The following PRICKLE1 variants were observed in gnomAD, a reference collection of about 807,000 sequenced individuals.
PRICKLE1 encodes the protein prickle planar cell polarity protein 1.
PRICKLE1 carries 14 observed loss-of-function variants against 70.2 expected under a neutral mutation model. That is an observed-to-expected ratio of 0.20 (90% CI 0.13 to 0.31). PRICKLE1 has a LOEUF of 0.31. PRICKLE1 is among the 10% of genes least tolerant of loss of function. PRICKLE1 has a pLI of 1.00. For synonymous variants in PRICKLE1, 357 were observed against 379.9 expected (o/e 0.94, Z 0.70); for missense variants, 821 against 1,026.2 (o/e 0.80, Z 2.73).
intron 3 of PRICKLE1, 64 bp downstream of exon 3, chr12:42,470,182 A>G: frequency 8.4e-7 from 1 of 1,193,254 alleles, no homozygotes; most frequent in Admixed American, 1.7e-5. Context: ...TATGAGCAGC[A>G]TCTCAATGCT....
chr12:42,551,182 C>T lies in PRICKLE1; in HGVS notation c.-49+38283G>A, dbSNP rs77068792. Among the ~76,000 whole-genome samples the T allele has an allele frequency of 5.7e-3, 866 of 152,234 alleles. 6 individuals carry two copies. The highest frequency in any genetic ancestry group is 0.019 in the African/African-American group (786 of 41,530). On this transcript the variant is annotated intron_variant, in intron 1 of 7. Coordinates refer to ENST00000345127, the MANE Select transcript of PRICKLE1 (RefSeq NM_153026.3). Reference sequence around the variant, plus strand: ...CAGCACCACCCTTGTTAATATGCACCTATGCAACCTTCAATTTTAAACTTA... The same window carrying T: ...CAGCACCACCCTTGTTAATATGCACTTATGCAACCTTCAATTTTAAACTTA...
At chr12:42,516,315 G>T (rs1289363670) in intron 1 of PRICKLE1, among the ~76,000 whole-genome samples, 1 of 152,022 alleles carries the variant, frequency 6.6e-6, no homozygotes, top group Non-Finnish European at 1.5e-5. Flanking sequence ...GTATTTTTTA[G>T]TAGAGACGGG....
intron 1 of PRICKLE1, among the ~76,000 whole-genome samples, chr12:42,576,250 A>C (rs1940805075): frequency 6.6e-6 from 1 of 152,234 alleles, no homozygotes; most frequent in African/African-American, 2.4e-5. Context: ...AGAATATGCA[A>C]AACAGCCCCC....
chr12:42,478,120 T>TTC (rs141071876), intron 1 of PRICKLE1, among the ~76,000 whole-genome samples: 1,893 of 152,296 alleles, frequency 0.012, 41 homozygotes, highest in East Asian at 0.049. Flanking sequence ...CTCTCCCTCT[T>TTC]TCTCTCTCAT....
At chr12:42,470,021 C>T in intron 3 of PRICKLE1, 1 of 536,294 alleles carries the variant, frequency 1.9e-6, no homozygotes, top group South Asian at 2.1e-5. Flanking sequence ...TGGTGGGTGG[C>T]TGCAAACACT....
intron 1 of PRICKLE1, among the ~76,000 whole-genome samples, chr12:42,512,112 G>A (rs1327797078): frequency 8.7e-6 from 1 of 115,270 alleles, no homozygotes; most frequent in Non-Finnish European, 2.0e-5. Context: ...CCCAAAGGAT[G>A]GTCCCATTAC....
At chr12:42,548,383 G>A (rs1021491713) in intron 1 of PRICKLE1, among the ~76,000 whole-genome samples, 8 of 152,082 alleles carry the variant, frequency 5.3e-5, no homozygotes, top group South Asian at 2.1e-4. Context: ...AAAATTTCTC[G>A]AACATATTAA....
chr12:42,489,463 C>A lies in PRICKLE1; in HGVS notation c.-48-16899G>T, dbSNP rs183874917. Among the ~76,000 whole-genome samples the A allele has an allele frequency of 2.1e-3, 317 of 150,270 alleles. 2 individuals are homozygous for A. The highest frequency in any genetic ancestry group is 3.9e-3 in the Non-Finnish European group (264 of 67,572). On this transcript the variant is annotated intron_variant, in intron 1 of 7. Coordinates refer to ENST00000345127, the MANE Select transcript of PRICKLE1 (RefSeq NM_153026.3). ...TCACTTGAGGTGAGGAGTTCGAAACCAGCCTGGCCAACATGGTGAAACCCC... is the reference window on the plus strand; with the variant it reads ...TCACTTGAGGTGAGGAGTTCGAAACAAGCCTGGCCAACATGGTGAAACCCC...
At chr12:42,587,173 T>G (rs1940999008) in intron 1 of PRICKLE1, among the ~76,000 whole-genome samples, 1 of 152,246 alleles carries the variant, frequency 6.6e-6, no homozygotes, top group Non-Finnish European at 1.5e-5. Flanking sequence ...ATATATCATT[T>G]TTCTTTTTAA....
intron 1 of PRICKLE1, among the ~76,000 whole-genome samples, chr12:42,588,746 T>C (rs1941025541): frequency 6.6e-6 from 1 of 152,162 alleles, no homozygotes. Flanking sequence ...TTTCCCAAAG[T>C]CCCAAGAATA....
At chr12:42,514,898 T>TATCTATCTATCA (rs1555235189) in intron 1 of PRICKLE1, among the ~76,000 whole-genome samples, 46 of 98,516 alleles carry the variant, frequency 4.7e-4, no homozygotes, top group African/African-American at 1.3e-3. Flanking sequence ...TCTATCTATC[T>TATCTATCTATCA]ATCTATCTAT....
Position 42,460,219 on chromosome 12 carries a change from A to C in PRICKLE1, c.2086T>G (p.Ser696Ala), listed in dbSNP as rs1373885694. ...TACAGCCGCAGTCTGTCCTTGGGAGAGTATTTTCTTTCTGTAACAAGATTC... is the reference window on the plus strand; with the variant it reads ...TACAGCCGCAGTCTGTCCTTGGGAGCGTATTTTCTTTCTGTAACAAGATTC... Reference protein sequence around the residue: ...ALNLVTERKYSPKDRLRLYTP... With the variant: ...ALNLVTERKYAPKDRLRLYTP... Residue 696 changes from serine to alanine, a missense_variant, in exon 8 of 8, where the codon TCT becomes GCT. Physicochemically the swap from Ser to Ala is moderately conservative, Grantham distance 99. Coordinates refer to ENST00000345127, the MANE Select transcript of PRICKLE1 (RefSeq NM_153026.3). The C allele has an allele frequency of 1.2e-6, 2 of 1,613,976 alleles. No homozygotes were observed. Among genetic ancestry groups the C allele is most frequent in the South Asian group, 2.2e-5 (2 of 91,076 alleles).
rs2140101201 is a variant in PRICKLE1 at position 42,464,792 on chromosome 12, A to G, written c.1242T>C (p.Tyr414=). The change falls in exon 7 of 8, where the codon TAT becomes TAC. Residue 414 remains tyrosine (Y), a synonymous_variant. Coordinates refer to ENST00000345127, the MANE Select transcript of PRICKLE1 (RefSeq NM_153026.3). This position sits in a 1 kb window ranked among gnomAD's most constrained non-coding sequence, Gnocchi z 4.2. ...DPEEWADHED[Y]MTQLLLKFGD... is the part of the protein sequence containing the mutation. ...CAAACTTGAGGAGGAGCTGCGTCAT[A>G]TAATCTTCATGATCAGCCCATTCTT... The G allele has an allele frequency of 8.7e-6, 14 of 1,614,074 alleles. No homozygotes were observed. Among genetic ancestry groups the G allele is most frequent in the Non-Finnish European group, 1.2e-5 (14 of 1,180,006 alleles).
intron 2 of PRICKLE1, among the ~76,000 whole-genome samples, chr12:42,471,081 C>T (rs1410831137): frequency 6.6e-6 from 1 of 152,128 alleles, no homozygotes; most frequent in Admixed American, 6.5e-5. Context: ...TTTTACACAA[C>T]ACAAAGACAA....
intron 1 of PRICKLE1, among the ~76,000 whole-genome samples, chr12:42,518,971 G>A (rs539358559): frequency 2.8e-4 from 43 of 152,218 alleles, no homozygotes; most frequent in Non-Finnish European, 5.4e-4. Context: ...CATGGCTTGA[G>A]AATTGATTAA....
intron 1 of PRICKLE1, chr12:42,525,164 A>G (rs1383385929): frequency 6.6e-6 from 1 of 152,232 alleles, no homozygotes; most frequent in Non-Finnish European, 1.5e-5. Context: ...TAATGATAAA[A>G]GCTCAAAAGG....
intron 1 of PRICKLE1, among the ~76,000 whole-genome samples, chr12:42,551,163 C>A (rs1295697397): frequency 1.3e-5 from 2 of 152,118 alleles, no homozygotes; most frequent in African/African-American, 4.8e-5. Context: ...TTATCAGCAC[C>A]ACCCTTGTTA....
chr12:42,521,171 G>A lies in PRICKLE1; in HGVS notation c.-48-48607C>T, dbSNP rs892703047. ...AGCCTGGGTGATAGCACAAGACCCC[G>A]TCTTAAAAAAAATAAAATAAAATAA... is the stretch of plus-strand genomic sequence containing the variant. On this transcript the variant is annotated intron_variant, in intron 1 of 7. Coordinates refer to ENST00000345127, the MANE Select transcript of PRICKLE1 (RefSeq NM_153026.3). Among the ~76,000 whole-genome samples, 5 of 151,680 alleles carry A rather than the reference G, an allele frequency of 3.3e-5. No individual in the cohort carries two copies. The South Asian group carries it at 6.3e-4, about 19-fold the overall frequency.
At chr12:42,497,546 CA>C (rs35111508) in intron 1 of PRICKLE1, among the ~76,000 whole-genome samples, 4,178 of 98,640 alleles carry the variant, frequency 0.042, 130 homozygotes, top group Admixed American at 0.14. Context: ...GACTCCATCT[CA>C]AAAAAAAAAA....
Sources: gnomAD v4.1 joint callset for allele counts (sites outside exome capture counted in the v4.1 genomes callset) on GRCh38, gnomAD v4.1.1 for gene constraint, Gnocchi (gnomAD v3.1) non-coding constraint, MANE v1.5 for transcripts, NCBI Gene and HGNC (gene_info 2026-07-23, HGNC 2026-07-21) for gene names.